SYT7: variants seen among roughly 807,000 people sequenced by gnomAD.
The protein encoded by SYT7 is synaptotagmin-7.
SYT7 carries 29 observed loss-of-function variants against 75.1 expected under a neutral mutation model. The observed-to-expected ratio is 0.39, with a 90% CI of 0.29 to 0.53. The LOEUF is 0.53. Ranked by LOEUF, SYT7 falls within the 20% of genes least tolerant of loss-of-function variation. The pLI is 0.77. For missense variants in SYT7, 693 were observed against 953.2 expected (o/e 0.73, Z 3.59); for synonymous variants, 376 against 401.7 (o/e 0.94, Z 0.76).
chr11:61,542,255 C>T lies in SYT7; in HGVS notation c.897G>A (p.Val299=), dbSNP rs2063063667. Residue 299 remains valine, a synonymous_variant, in exon 6 of 13, where the codon GTG becomes GTA. Transcript: ENST00000539008. This position sits in a 1 kb window ranked among gnomAD's most constrained non-coding sequence, Gnocchi z 7.8. ...AGCCTCGGTTTCGAATCTGCCCCAC[C>T]ACGTGGTCCCAGCTGCCTGGGTTGG... ...SRSNPGSWDH[V]VGQIRNRGLD... 1 of 1,535,148 alleles carries T rather than the reference C, an allele frequency of 6.5e-7. No homozygotes were observed. The highest frequency in any genetic ancestry group is 8.7e-7 in the Non-Finnish European group (1 of 1,146,504).
At position 61,514,641 on chromosome 11, in the gene SYT7, G is replaced by A. The variant is rs1381092026; in HGVS notation, c.*3986C>T. Reference sequence around the variant, plus strand: ...AGGGGATGGGGATGGTTATTGCTTTGTTGTGGCCAGAAGAAACAGGTGGAA... The same window carrying A: ...AGGGGATGGGGATGGTTATTGCTTTATTGTGGCCAGAAGAAACAGGTGGAA... On this transcript the variant is annotated 3_prime_UTR_variant, in exon 13 of 13. Coordinates refer to ENST00000539008, the MANE Select transcript of SYT7 (RefSeq NM_001365809.2). Among the ~76,000 whole-genome samples, 2 of 152,216 alleles carry A rather than the reference G, an allele frequency of 1.3e-5. No individual in the cohort carries two copies. Among genetic ancestry groups the A allele is most frequent in the South Asian group, 2.1e-4 (1 of 4,826 alleles).
Position 61,529,364 on chromosome 11 carries a change from T to C in SYT7, c.1201-1179A>G, listed in dbSNP as rs868604679. Among the ~76,000 whole-genome samples, 2 of 152,332 alleles carry C rather than the reference T, an allele frequency of 1.3e-5. 1 individual carries two copies. Among genetic ancestry groups the C allele is most frequent in the Middle Eastern group, 6.8e-3 (2 of 294 alleles). On this transcript the variant is annotated intron_variant, in intron 8 of 12. Coordinates refer to ENST00000539008, the MANE Select transcript of SYT7 (RefSeq NM_001365809.2). ...TAATGCATCAAGTGGGCTCTTACCA[T>C]GACCAGCGACTCTCGCATCGCCGTC...
rs1466349902 is a variant in SYT7 at position 61,514,895 on chromosome 11, AG to A, written c.*3731del. Among the ~76,000 whole-genome samples, 1 of 152,154 alleles carries A rather than the reference AG, an allele frequency of 6.6e-6. No homozygotes were observed. The highest frequency in any genetic ancestry group is 1.5e-5 in the Non-Finnish European group (1 of 68,026). ...GAAGGAGGCGCTGGCCTGAAACTAC[AG>A]TGGCCCCATGGATGGTGGTGGGAAA... On this transcript the variant is annotated 3_prime_UTR_variant, in exon 13 of 13. Coordinates refer to ENST00000539008, the MANE Select transcript of SYT7 (RefSeq NM_001365809.2).
Position 61,531,891 on chromosome 11 carries a change from C to CAAAAA in SYT7, c.1200+1093_1200+1097dup, listed in dbSNP as rs58242073. Among the ~76,000 whole-genome samples the CAAAAA allele has an allele frequency of 2.8e-4, 14 of 49,410 alleles. 1 individual carries two copies. The highest frequency in any genetic ancestry group is 7.8e-4 in the South Asian group (1 of 1,290). The allele number at this position is 49,410 out of a possible 152,430, so 32.4% of individuals were successfully genotyped here. On this transcript the variant is annotated intron_variant, in intron 8 of 12. Coordinates refer to ENST00000539008, the MANE Select transcript of SYT7 (RefSeq NM_001365809.2). ...CCTGGGGGACAGAGTGATTCTGTCT[C>CAAAAA]AAAAAAAAAAAAAAAAAAAAAAAAG...
chr11:61,538,462 C>T (rs1464067535), intron 6 of SYT7, among the ~76,000 whole-genome samples, 196 bp from the exon 7 acceptor site: 1 of 151,220 alleles, frequency 6.6e-6, no homozygotes, highest in Non-Finnish European at 1.5e-5. Context: ...GGAAAGAAAA[C>T]AAACTTCAGC....
At chr11:61,537,027 G>A (rs1361551003) in intron 7 of SYT7, among the ~76,000 whole-genome samples, 1 of 152,264 alleles carries the variant, frequency 6.6e-6, no homozygotes, top group Non-Finnish European at 1.5e-5. Flanking sequence ...GGACAGATAA[G>A]TGAGCAGAGA....
At chr11:61,528,307 G>A (rs1424725757) in intron 8 of SYT7, 122 bp from the exon 9 acceptor site, 4 of 1,260,094 alleles carry the variant, frequency 3.2e-6, no homozygotes, top group Non-Finnish European at 4.4e-6. Flanking sequence ...ACATCCCACG[G>A]ACGCTGCTCA....
At chr11:61,566,059 T>A (rs1412798585) in intron 1 of SYT7, among the ~76,000 whole-genome samples, 1 of 152,234 alleles carries the variant, frequency 6.6e-6, no homozygotes, top group African/African-American at 2.4e-5. Flanking sequence ...GCACTCCTAC[T>A]CCTCATCAGA....
chr11:61,558,599 C>T (rs1290625981), intron 1 of SYT7, among the ~76,000 whole-genome samples: 1 of 151,698 alleles, frequency 6.6e-6, no homozygotes, highest in Non-Finnish European at 1.5e-5. Context: ...CAAGGAACTA[C>T]CACTCCAGTG....
chr11:61,533,405 C>A, intron 7 of SYT7: 5 of 985,392 alleles, frequency 5.1e-6, no homozygotes, highest in Non-Finnish European at 6.0e-6. Context: ...TCCCCAGAAA[C>A]CCCCCACCCT....
At chr11:61,521,564 G>C (rs1385289335) in intron 12 of SYT7, among the ~76,000 whole-genome samples, 1 of 152,192 alleles carries the variant, frequency 6.6e-6, no homozygotes, top group Non-Finnish European at 1.5e-5. Context: ...TGCCATACCT[G>C]ATGGCAAGCA....
At chr11:61,582,560 G>A (rs986771399), upstream of SYT7, among the ~76,000 whole-genome samples, 1 of 152,058 alleles carries the variant, frequency 6.6e-6, no homozygotes, top group African/African-American at 2.4e-5. Context: ...CAGCTTTTCC[G>A]GTTGAGAAAA....
intron 2 of SYT7, among the ~76,000 whole-genome samples, chr11:61,554,272 G>A (rs958551704): frequency 6.6e-6 from 1 of 151,964 alleles, no homozygotes; most frequent in African/African-American, 2.4e-5. Context: ...CTGGGTCCTG[G>A]AAGTCATCTC....
chr11:61,546,522 G>T lies in SYT7; in HGVS notation c.348-267C>A. Reference sequence around the variant, plus strand: ...GGGGGACCGGGCGGGCTGGGGGTCGGAGAACAACGCACCACGACAACGGAG... The same window carrying T: ...GGGGGACCGGGCGGGCTGGGGGTCGTAGAACAACGCACCACGACAACGGAG... On this transcript the variant is annotated intron_variant, in intron 4 of 12. Transcript: ENST00000539008. This position sits in a 1 kb window ranked among gnomAD's most constrained non-coding sequence, Gnocchi z 7.6. The T allele has an allele frequency of 2.4e-6, 1 of 408,918 alleles. No homozygotes were observed. The highest frequency in any genetic ancestry group is 4.7e-6 in the Non-Finnish European group (1 of 214,668). The allele number at this position is 408,918 out of a possible 1,614,324, so 25.3% of individuals were successfully genotyped here. A position where few individuals can be genotyped will look rare whatever the true frequency, so the allele number is the denominator to read the frequency against.
At chr11:61,538,120 G>C in intron 7 of SYT7, 24 bp downstream of exon 7, 1 of 1,534,648 alleles carries the variant, frequency 6.5e-7, no homozygotes, top group Non-Finnish European at 8.7e-7. Flanking sequence ...CGCCGCCGCC[G>C]CAGGCCCTCG....
intron 12 of SYT7, among the ~76,000 whole-genome samples, chr11:61,519,394 G>A (rs2062238922): frequency 6.6e-6 from 1 of 152,174 alleles, no homozygotes; most frequent in Non-Finnish European, 1.5e-5. Context: ...CTCAGCTTTG[G>A]GACTTGGGGG....
intron 1 of SYT7, among the ~76,000 whole-genome samples, chr11:61,577,796 C>T (rs1288893665): frequency 6.6e-6 from 1 of 152,170 alleles, no homozygotes; most frequent in African/African-American, 2.4e-5. Context: ...GGGCAGGCAG[C>T]CTTCAGGACC....
chr11:61,558,792 G>T (rs2063568671), intron 1 of SYT7, among the ~76,000 whole-genome samples: 1 of 152,120 alleles, frequency 6.6e-6, no homozygotes, highest in Admixed American at 6.5e-5. Context: ...ACCCAGGCTG[G>T]AGTGCAGTGG....
chr11:61,521,907 T>C (rs1248342654), intron 12 of SYT7, among the ~76,000 whole-genome samples: 4 of 152,234 alleles, frequency 2.6e-5, no homozygotes, highest in Admixed American at 2.6e-4. Context: ...TGTGTGATCT[T>C]ACTTAATCCT....
Sources: allele counts gnomAD v4.1 joint callset (sites outside exome capture counted in the v4.1 genomes callset), GRCh38; gene constraint gnomAD v4.1.1; non-coding constraint Gnocchi (gnomAD v3.1); transcripts MANE v1.5; gene names NCBI Gene and HGNC (gene_info 2026-07-23, HGNC 2026-07-21).